Variants in ZC3H12B observed in about 807,000 individuals in gnomAD.
The protein encoded by ZC3H12B is probable ribonuclease ZC3H12B.
Under a neutral mutation model 43.9 loss-of-function variants are expected in ZC3H12B, and 7 were observed. The observed-to-expected ratio is 0.16, with a 90% confidence interval of 0.09 to 0.30. The LOEUF is 0.30. Ranked by LOEUF, ZC3H12B falls within the 10% of genes least tolerant of loss-of-function variation. The probability of loss-of-function intolerance (pLI) is 1.00; values close to 1 mark genes in which losing one functional copy is unlikely to be tolerated. For missense variants in ZC3H12B, 475 were observed against 670.2 expected, an observed-to-expected ratio of 0.71 and a Z score of 3.22; for synonymous variants, 222 against 241.7, an observed-to-expected ratio of 0.92 and a Z score of 0.76.
At chrX:65,229,587 G>T in the ZC3H12B span, among the ~76,000 whole-genome samples, 3 of 109,965 alleles carry the variant, frequency 2.7e-5, no homozygotes, top group Non-Finnish European at 5.7e-5. Flanking sequence ...TTCCGTCAGA[G>T]TGAACAGGCA....
At chrX:65,243,803 G>GTT in the ZC3H12B span, among the ~76,000 whole-genome samples, 65 of 110,637 alleles carry the variant, frequency 5.9e-4, no homozygotes, top group Admixed American at 8.7e-4. Flanking sequence ...ATATAATGAA[G>GTT]TTTTTTTTTA....
chrX:65,167,284 A>G, the ZC3H12B span, among the ~76,000 whole-genome samples: 1 of 112,072 alleles, frequency 8.9e-6, no homozygotes, highest in African/African-American at 3.2e-5. Flanking sequence ...TCCCAGCACC[A>G]TTTATTAAAT....
the ZC3H12B span, among the ~76,000 whole-genome samples, chrX:65,057,919 G>A: frequency 2.7e-5 from 3 of 112,056 alleles, no homozygotes; most frequent in East Asian, 8.3e-4. Flanking sequence ...GTCGTGCCAT[G>A]GTTTTCAGCT....
At chrX:65,366,046 T>C (rs1286411586), upstream of ZC3H12B, among the ~76,000 whole-genome samples, 1 of 110,851 alleles carries the variant, frequency 9.0e-6, no homozygotes, top group East Asian at 2.8e-4. Context: ...CATTGGACTG[T>C]TACACAGCAT....
At chrX:65,098,225 TACAC>T in the ZC3H12B span, among the ~76,000 whole-genome samples, 111 of 96,124 alleles carry the variant, frequency 1.2e-3, 1 homozygote, top group East Asian at 9.0e-3. Flanking sequence ...CATGTCTTAG[TACAC>T]ACACACACAC....
At chrX:65,156,975 C>T in the ZC3H12B span, among the ~76,000 whole-genome samples, 1 of 110,689 alleles carries the variant, frequency 9.0e-6, no homozygotes, top group African/African-American at 3.3e-5. Flanking sequence ...TTCTTTCTTT[C>T]TTCCTTTAAT....
At chrX:65,386,681 C>G (rs1160391980) in intron 2 of ZC3H12B, among the ~76,000 whole-genome samples, 1 of 111,516 alleles carries the variant, frequency 9.0e-6, no homozygotes, top group African/African-American at 3.3e-5. Flanking sequence ...TTCTTGCCTT[C>G]TGCTACCTTT....
chrX:65,443,164 A>G (rs1156889255), intron 3 of ZC3H12B, among the ~76,000 whole-genome samples: 1 of 111,389 alleles, frequency 9.0e-6, no homozygotes, highest in Non-Finnish European at 1.9e-5. Flanking sequence ...TCCAAGGTGA[A>G]ACGAACCAGA....
chrX:65,405,241 G>A (rs1201183946), intron 3 of ZC3H12B, among the ~76,000 whole-genome samples: 1 of 112,146 alleles, frequency 8.9e-6, no homozygotes, highest in Non-Finnish European at 1.9e-5. Context: ...TCAAAAAAGA[G>A]GAATAACTTC....
upstream of ZC3H12B, among the ~76,000 whole-genome samples, chrX:65,364,572 T>C (rs868428192): frequency 1.2e-5 from 1 of 81,995 alleles, no homozygotes; most frequent in Non-Finnish European, 1.9e-5. Context: ...ACCGGTCACT[T>C]CCACCTATCA....
intron 3 of ZC3H12B, among the ~76,000 whole-genome samples, chrX:65,458,939 T>G (rs1201229875): frequency 9.0e-6 from 1 of 110,691 alleles, no homozygotes; most frequent in Non-Finnish European, 1.9e-5. Context: ...TTTGAAAAGA[T>G]CAACAAAATT....
chrX:65,441,402 CT>C (rs753236184), intron 3 of ZC3H12B, among the ~76,000 whole-genome samples: 2 of 112,030 alleles, frequency 1.8e-5, no homozygotes, highest in South Asian at 7.5e-4. Context: ...CTTTAAATTT[CT>C]TTCCTTGAAT....
At chrX:65,202,200 A>G in the ZC3H12B span, among the ~76,000 whole-genome samples, 1 of 91,178 alleles carries the variant, frequency 1.1e-5, no homozygotes, top group African/African-American at 3.8e-5. Flanking sequence ...TATATATAAT[A>G]TATAATATTA....
chrX:65,405,622 AAAT>A (rs1262112586), intron 3 of ZC3H12B, among the ~76,000 whole-genome samples: 1 of 111,400 alleles, frequency 9.0e-6, no homozygotes, highest in African/African-American at 3.3e-5. Context: ...TCCATCTCAG[AAAT>A]AATAATAATA....
At chrX:65,232,361 G>T in the ZC3H12B span, among the ~76,000 whole-genome samples, 252 of 111,856 alleles carry the variant, frequency 2.3e-3, 1 homozygote, top group African/African-American at 7.8e-3. Flanking sequence ...CATGGCTTCA[G>T]CTGGTCCCTC....
intron 2 of ZC3H12B, among the ~76,000 whole-genome samples, chrX:65,379,512 C>A (rs2066404114): frequency 8.9e-6 from 1 of 112,059 alleles, no homozygotes; most frequent in Non-Finnish European, 1.9e-5. Flanking sequence ...AGGGAAAAAA[C>A]AGAGCAGAAA....
chrX:65,191,811 T>C, the ZC3H12B span, among the ~76,000 whole-genome samples: 1 of 107,671 alleles, frequency 9.3e-6, no homozygotes, highest in African/African-American at 3.4e-5. Flanking sequence ...TCAGTTCTGC[T>C]CTGATTTTAG....
chrX:65,450,370 CAT>C (rs1186208983), intron 3 of ZC3H12B, among the ~76,000 whole-genome samples: 6 of 68,565 alleles, frequency 8.8e-5, no homozygotes, highest in East Asian at 4.2e-4. Context: ...TGTGTATATA[CAT>C]ATATATATTT....
chrX:65,227,650 A>T, the ZC3H12B span, among the ~76,000 whole-genome samples: 1 of 111,681 alleles, frequency 9.0e-6, no homozygotes, highest in Admixed American at 9.5e-5. Flanking sequence ...ACTAATAAAG[A>T]AGAAAAGAGA....
Sources: gnomAD v4.1 joint callset for allele counts (sites outside exome capture counted in the v4.1 genomes callset) on GRCh38, gnomAD v4.1.1 for gene constraint, MANE v1.5 for transcripts, NCBI Gene and HGNC (gene_info 2026-07-23, HGNC 2026-07-21) for gene names.